Variants in ZNF385D observed in about 807,000 individuals in gnomAD.
ZNF385D encodes the protein zinc finger protein 659.
Under a neutral mutation model 35.8 loss-of-function variants are expected in ZNF385D, and 15 were observed. The observed-to-expected ratio is 0.42, with a 90% confidence interval of 0.28 to 0.64. ZNF385D has a LOEUF of 0.64. ZNF385D is among the 30% of genes least tolerant of loss of function. ZNF385D has a pLI of 0.23. For missense variants in ZNF385D, 474 were observed against 494.6 expected, an observed-to-expected ratio of 0.96 and a Z score of 0.39; for synonymous variants, 212 against 186.8, an observed-to-expected ratio of 1.13 and a Z score of -1.10.
intron 2 of ZNF385D, among the ~76,000 whole-genome samples, chr3:21,605,514 G>C (rs1575304187): frequency 6.6e-6 from 1 of 151,584 alleles, no homozygotes; most frequent in East Asian, 2.0e-4. Context: ...GCAACAGAAA[G>C]AATGGTAGAA....
intron 2 of ZNF385D, among the ~76,000 whole-genome samples, chr3:22,346,990 T>C (rs1695686574): frequency 6.6e-6 from 1 of 152,178 alleles, no homozygotes; most frequent in Non-Finnish European, 1.5e-5. Flanking sequence ...AGTTGACCAT[T>C]TGGGACTTTC....
intron 2 of ZNF385D, among the ~76,000 whole-genome samples, chr3:22,299,479 A>C (rs552484742): frequency 6.6e-6 from 1 of 151,852 alleles, no homozygotes; most frequent in African/African-American, 2.4e-5. Context: ...AAAGAAAACA[A>C]AAGTAAAACA....
At chr3:22,067,015 A>G (rs1239869669) in intron 3 of ZNF385D, among the ~76,000 whole-genome samples, 2 of 152,206 alleles carry the variant, frequency 1.3e-5, no homozygotes, top group Admixed American at 6.5e-5. Flanking sequence ...TCAGGCACCT[A>G]ATGTGACTAT....
intron 2 of ZNF385D, among the ~76,000 whole-genome samples, chr3:22,333,680 C>A (rs1695038065): frequency 6.6e-6 from 1 of 152,196 alleles, no homozygotes. Flanking sequence ...TTCCGAACTT[C>A]CACCTTCCTC....
chr3:22,161,363 A>G (rs1409906337), intron 3 of ZNF385D, among the ~76,000 whole-genome samples: 2 of 152,098 alleles, frequency 1.3e-5, no homozygotes, highest in African/African-American at 4.8e-5. Flanking sequence ...ATTTACATTA[A>G]TACATTTGTA....
At chr3:22,240,391 C>G (rs1308986491) in intron 2 of ZNF385D, among the ~76,000 whole-genome samples, 2 of 150,908 alleles carry the variant, frequency 1.3e-5, no homozygotes, top group Non-Finnish European at 2.9e-5. Flanking sequence ...CTCTCACTAT[C>G]TTCTTCCTGC....
chr3:21,656,450 C>T (rs1272137680), intron 2 of ZNF385D, among the ~76,000 whole-genome samples: 1 of 151,864 alleles, frequency 6.6e-6, no homozygotes. Context: ...CCCTGAATCT[C>T]TTCACTTTAT....
chr3:22,166,851 G>A (rs1277820662), intron 3 of ZNF385D, among the ~76,000 whole-genome samples: 1 of 152,216 alleles, frequency 6.6e-6, no homozygotes. Flanking sequence ...CAAGATAGGT[G>A]AAGTATAACG....
intron 3 of ZNF385D, among the ~76,000 whole-genome samples, chr3:21,973,051 T>A (rs1047597494): frequency 2.6e-5 from 4 of 151,872 alleles, no homozygotes; most frequent in Non-Finnish European, 5.9e-5. Context: ...AGGGAATACT[T>A]CCAAACTCAT....
chr3:22,005,172 T>C (rs1027505222), intron 3 of ZNF385D, among the ~76,000 whole-genome samples: 2 of 148,740 alleles, frequency 1.3e-5, no homozygotes, highest in Non-Finnish European at 3.0e-5. Context: ...GGCCCACAGG[T>C]ACATGAAAAA....
At chr3:21,499,306 A>G (rs1377908138) in intron 4 of ZNF385D, among the ~76,000 whole-genome samples, 1 of 152,324 alleles carries the variant, frequency 6.6e-6, no homozygotes, top group African/African-American at 2.4e-5. Context: ...ACATTAAAAA[A>G]GAACAAGATC....
intron 2 of ZNF385D, among the ~76,000 whole-genome samples, chr3:22,356,691 T>C (rs1042395195): frequency 6.6e-6 from 1 of 151,898 alleles, no homozygotes; most frequent in Non-Finnish European, 1.5e-5. Context: ...GAGATGGCAA[T>C]AGAGGAATCG....
intron 3 of ZNF385D, among the ~76,000 whole-genome samples, chr3:21,974,303 A>G (rs1207291593): frequency 1.3e-5 from 2 of 152,060 alleles, no homozygotes; most frequent in Non-Finnish European, 2.9e-5. Flanking sequence ...CAACAAAGGT[A>G]CCAAGAACAC....
intron 2 of ZNF385D, among the ~76,000 whole-genome samples, chr3:22,241,907 T>C (rs1480113830): frequency 1.3e-5 from 2 of 151,056 alleles, no homozygotes; most frequent in East Asian, 2.0e-4. Flanking sequence ...CATAGTACTA[T>C]TTATTGTAAA....
chr3:22,027,203 G>A (rs1697613528), intron 3 of ZNF385D, among the ~76,000 whole-genome samples: 1 of 152,184 alleles, frequency 6.6e-6, no homozygotes, highest in South Asian at 2.1e-4. Context: ...CAAGAAAGAG[G>A]TACAATGCCT....
chr3:21,558,378 G>T (rs1242283845), intron 3 of ZNF385D, among the ~76,000 whole-genome samples: 1 of 151,994 alleles, frequency 6.6e-6, no homozygotes, highest in African/African-American at 2.4e-5. Context: ...TGGTTTCAAA[G>T]AACTTATTTA....
At chr3:22,086,485 C>T (rs1701049825) in intron 3 of ZNF385D, among the ~76,000 whole-genome samples, 1 of 152,124 alleles carries the variant, frequency 6.6e-6, no homozygotes, top group South Asian at 2.1e-4. Flanking sequence ...AGGAATCCAA[C>T]TTATAAGGGA....
chr3:21,917,938 G>C (rs1188403719), intron 3 of ZNF385D, among the ~76,000 whole-genome samples: 1 of 152,168 alleles, frequency 6.6e-6, no homozygotes, highest in Non-Finnish European at 1.5e-5. Context: ...CGTAAGTGTA[G>C]AGGACCCACA....
Position 22,299,447 on chromosome 3 carries a change from A to G in ZNF385D, c.106+73003T>C, listed in dbSNP as rs1310879514. The stretch of plus-strand genomic sequence containing the variant: ...TGGAGGAATATATATAAGTAACTAT[A>G]AAACAAATCATAATTTGAAAAAAAG... On this transcript the variant is annotated intron_variant, in intron 2 of 5. Coordinates refer to the ZNF385D transcript ENST00000494108. Among the ~76,000 whole-genome samples, 3 of 151,834 alleles carry G rather than the reference A, an allele frequency of 2.0e-5. No individual in the cohort carries two copies. The East Asian group carries it at 5.8e-4, about 29-fold the overall frequency.
Sources: allele counts gnomAD v4.1 joint callset (sites outside exome capture counted in the v4.1 genomes callset), GRCh38; gene constraint gnomAD v4.1.1; transcripts MANE v1.5; gene names NCBI Gene and HGNC (gene_info 2026-07-23, HGNC 2026-07-21).